SENP6: variants seen among roughly 807,000 people sequenced by gnomAD.
The protein encoded by SENP6 is sentrin-specific protease 6.
In SENP6, 41 loss-of-function variants were observed where a neutral mutation model predicts 134.5. The ratio of observed to expected loss-of-function variants is 0.30; its 90% CI spans 0.24 to 0.40. SENP6 has a LOEUF of 0.40. Among genes scored for constraint, SENP6 ranks in the 10% least tolerant of loss-of-function variants. The probability of loss-of-function intolerance (pLI) is 1.00; values close to 1 mark genes in which losing one functional copy is unlikely to be tolerated. For synonymous variants in SENP6, 395 were observed against 429.8 expected (o/e 0.92, Z 1.00); for missense variants, 1,248 against 1,312.5 (o/e 0.95, Z 0.76).
chr6:75,686,604 C>G (rs1253136115), intron 16 of SENP6, among the ~76,000 whole-genome samples: 1 of 152,182 alleles, frequency 6.6e-6, no homozygotes, highest in Non-Finnish European at 1.5e-5. Flanking sequence ...GTGACAAAAT[C>G]TCTCAGCATT....
chr6:75,661,953 G>A (rs1771811039), intron 8 of SENP6, among the ~76,000 whole-genome samples: 1 of 152,170 alleles, frequency 6.6e-6, no homozygotes. Context: ...TTGGGAGGCC[G>A]AGGCGGGAGA....
chr6:75,706,891 A>T (rs1200456669), intron 19 of SENP6, among the ~76,000 whole-genome samples: 1 of 152,198 alleles, frequency 6.6e-6, no homozygotes, highest in Non-Finnish European at 1.5e-5. Context: ...TTTTCACTTG[A>T]CACCTTATGA....
intron 9 of SENP6, among the ~76,000 whole-genome samples, chr6:75,664,973 C>T (rs1357127604): frequency 2.0e-5 from 3 of 152,096 alleles, no homozygotes; most frequent in Non-Finnish European, 4.4e-5. Context: ...TGTGTGTGTG[C>T]TTACTTTATT....
At chr6:75,622,358 G>A (rs1257635903) in intron 2 of SENP6, among the ~76,000 whole-genome samples, 1 of 152,172 alleles carries the variant, frequency 6.6e-6, no homozygotes, top group East Asian at 1.9e-4. Context: ...AGGAGTTCAA[G>A]ATCAGCTTGG....
At chr6:75,639,724 C>T (rs1416271388) in intron 5 of SENP6, among the ~76,000 whole-genome samples, 1 of 152,032 alleles carries the variant, frequency 6.6e-6, no homozygotes, top group African/African-American at 2.4e-5. Context: ...ATACATTGGA[C>T]TTGTGATAAG....
chr6:75,670,374 C>A (rs1337410107), intron 10 of SENP6, among the ~76,000 whole-genome samples, 179 bp from the exon 11 acceptor site: 5 of 152,124 alleles, frequency 3.3e-5, no homozygotes, highest in Non-Finnish European at 7.3e-5. Context: ...AAATAAGATA[C>A]AAGGATTTAC....
chr6:75,708,092 C>T (rs1428265061), intron 19 of SENP6, among the ~76,000 whole-genome samples: 2 of 152,170 alleles, frequency 1.3e-5, no homozygotes, highest in Admixed American at 6.5e-5. Flanking sequence ...CAGAGTCTTG[C>T]TCTATCACCC....
intron 6 of SENP6, among the ~76,000 whole-genome samples, chr6:75,641,985 A>G (rs1770064616): frequency 6.6e-6 from 1 of 152,132 alleles, no homozygotes; most frequent in East Asian, 1.9e-4. Context: ...TGATGGATTA[A>G]TATTTTGAAT....
At chr6:75,690,796 T>C (rs1003476067) in intron 16 of SENP6, among the ~76,000 whole-genome samples, 5 of 151,602 alleles carry the variant, frequency 3.3e-5, no homozygotes, top group East Asian at 3.9e-4. Flanking sequence ...CACGGGTTCA[T>C]GCCATTCTCC....
intron 21 of SENP6, among the ~76,000 whole-genome samples, chr6:75,711,807 G>A (rs867315832): frequency 5.9e-5 from 9 of 152,150 alleles, no homozygotes; most frequent in Non-Finnish European, 1.2e-4. Flanking sequence ...GGAATAGCTG[G>A]GACTACAGGT....
At chr6:75,654,981 A>C (rs1018095108) in intron 7 of SENP6, 1 of 152,234 alleles carries the variant, frequency 6.6e-6, no homozygotes, top group Admixed American at 6.5e-5. Flanking sequence ...AGTCGATTGT[A>C]GACGCCTGGT....
chr6:75,659,048 T>TA (rs1482331076), intron 7 of SENP6, among the ~76,000 whole-genome samples: 1 of 150,430 alleles, frequency 6.6e-6, no homozygotes, highest in East Asian at 1.9e-4. Context: ...GGGCTTCTGT[T>TA]ACCTTAGTAG....
chr6:75,605,686 G>A (rs1249750732), intron 1 of SENP6, among the ~76,000 whole-genome samples: 1 of 152,118 alleles, frequency 6.6e-6, no homozygotes, highest in Non-Finnish European at 1.5e-5. Context: ...GATATGAGAG[G>A]CAGGAGATCT....
In SENP6 at chr6:75,666,825, G is replaced by A; in HGVS notation, c.1108G>A (p.Val370Ile). 1 of 1,613,828 alleles carries A rather than the reference G, an allele frequency of 6.2e-7. No homozygotes were observed. Among genetic ancestry groups the A allele is most frequent in the Non-Finnish European group, 8.5e-7 (1 of 1,179,746 alleles). Residue 370 changes from valine (V) to isoleucine (I), a missense_variant, in exon 10 of 24, where the codon GTA becomes ATA. Val to Ile is a conservative substitution (Grantham distance 29, BLOSUM62 3). Coordinates refer to ENST00000447266, the MANE Select transcript of SENP6 (RefSeq NM_015571.4). The part of the protein sequence containing the change: ...CSSPAPSTGK[V>I]EAALNENTCR... ...TTCCCCTGCACCATCCACTGGAAAA[G>A]TAGAAGCAGCGCTAAATGAAAATAC...
intron 8 of SENP6, 49 bp from the exon 9 acceptor site, chr6:75,663,172 A>G: frequency 6.5e-7 from 1 of 1,534,924 alleles, no homozygotes; most frequent in Non-Finnish European, 8.9e-7. Flanking sequence ...GTGGAAAGGA[A>G]AAAGAAAATC....
At chr6:75,697,698 G>T (rs575401120) in intron 18 of SENP6, 181 bp downstream of exon 18, 27 of 522,078 alleles carry the variant, frequency 5.2e-5, no homozygotes, top group Non-Finnish European at 8.3e-5. Flanking sequence ...AAGCATGTAA[G>T]ATATTGAATT....
chr6:75,612,041 A>G (rs1374780091), intron 1 of SENP6: 1 of 152,214 alleles, frequency 6.6e-6, no homozygotes, highest in African/African-American at 2.4e-5. Context: ...ACCAAGAGAT[A>G]CAGGTTTTGA....
intron 11 of SENP6, among the ~76,000 whole-genome samples, chr6:75,671,092 T>C (rs1020448672): frequency 2.2e-4 from 34 of 152,208 alleles, no homozygotes; most frequent in African/African-American, 8.0e-4. Flanking sequence ...AAATGTATTA[T>C]AGCATCAAGA....
chr6:75,619,443 C>CTGTGTGTGTGTGTG (rs1247378803), intron 1 of SENP6, among the ~76,000 whole-genome samples: 1 of 72,706 alleles, frequency 1.4e-5, no homozygotes, highest in African/African-American at 4.7e-5. Context: ...TCCGTTGTGT[C>CTGTGTGTGTGTGTG]TATGTGTGTG....
Sources: gnomAD v4.1 joint callset for allele counts (sites outside exome capture counted in the v4.1 genomes callset) on GRCh38, gnomAD v4.1.1 for gene constraint, MANE v1.5 for transcripts, NCBI Gene and HGNC (gene_info 2026-07-23, HGNC 2026-07-21) for gene names.